Variants in E2F5 observed in about 807,000 individuals in gnomAD.
E2F5 encodes E2F transcription factor 5, also known as transcription factor E2F5.
In E2F5, 23 loss-of-function variants were observed where a neutral mutation model predicts 39.1. That is an observed-to-expected ratio of 0.59 (90% CI 0.42 to 0.83). E2F5 has a LOEUF of 0.83. Ranked by LOEUF, E2F5 falls within the 40% of genes least tolerant of loss-of-function variation. The pLI is 0.00. For synonymous variants in E2F5, 145 were observed against 157.8 expected, an observed-to-expected ratio of 0.92 and a Z score of 0.61; for missense variants, 365 against 406.7, an observed-to-expected ratio of 0.90 and a Z score of 0.88.
At chr8:85,209,036 G>A in intron 5 of E2F5, 106 bp from the exon 6 acceptor site, 3 of 1,133,038 alleles carry the variant, frequency 2.6e-6, no homozygotes, top group Non-Finnish European at 3.8e-6. Context: ...ATTGTGTTAT[G>A]TGAATTTAGT....
At chr8:85,198,381 T>TA (rs1397765860) in intron 1 of E2F5, among the ~76,000 whole-genome samples, 1 of 152,242 alleles carries the variant, frequency 6.6e-6, no homozygotes, top group African/African-American at 2.4e-5. Flanking sequence ...CACAGTTCCC[T>TA]AAAAATATTG....
chr8:85,205,714 C>T (rs1812789906), intron 3 of E2F5, among the ~76,000 whole-genome samples: 1 of 152,228 alleles, frequency 6.6e-6, no homozygotes, highest in Non-Finnish European at 1.5e-5. Flanking sequence ...GCCTTGCCTC[C>T]CGTCACTAGG....
intron 1 of E2F5, among the ~76,000 whole-genome samples, chr8:85,193,381 G>A (rs1442308629): frequency 6.6e-6 from 1 of 152,116 alleles, no homozygotes; most frequent in Admixed American, 6.5e-5. Context: ...TACTTGGGAG[G>A]CTTAGGCAGG....
chr8:85,207,388 G>C, intron 4 of E2F5, 37 bp from the exon 5 acceptor site: 1 of 1,525,706 alleles, frequency 6.6e-7, no homozygotes. Context: ...ATGATCAACA[G>C]TATTTTATGT....
At chr8:85,193,450 T>C (rs558313189) in intron 1 of E2F5, among the ~76,000 whole-genome samples, 1 of 152,262 alleles carries the variant, frequency 6.6e-6, no homozygotes, top group African/African-American at 2.4e-5. Context: ...GCCACTGCAC[T>C]CCAGCCTGGG....
chr8:85,195,601 G>A (rs4150909), intron 1 of E2F5, among the ~76,000 whole-genome samples: 70,740 of 151,806 alleles, frequency 0.47, 18,602 homozygotes, highest in Non-Finnish European at 0.57. Context: ...GTGATTCTTC[G>A]ACTTTAGCCT....
At position 85,177,552 on chromosome 8, in the gene E2F5, C is replaced by A. The variant is rs12926; in HGVS notation, c.132C>A (p.Ala44=). ...CCCCGCCGCCGCAGCTCGGGGGCGC[C>A]GGGGGCGGCAGCAGCAGGCACGAGA... ...QPPPPPQLGG[A]GGGSSRHEKS... The change falls in exon 1 of 8, where the codon GCC becomes GCA. Residue 44 remains alanine, a synonymous_variant. Transcript: ENST00000416274. 7.3e-6 allele frequency: 9 copies of A among 1,240,578 alleles called. No homozygotes were observed. Among genetic ancestry groups the A allele is most frequent in the Non-Finnish European group, 8.1e-6 (8 of 990,464 alleles). 76.8% of individuals were successfully genotyped at this position (1,240,578 alleles called of 1,614,324 possible). A position where few individuals can be genotyped will look rare whatever the true frequency, so the allele number is the denominator to read the frequency against.
At chr8:85,205,469 G>A (rs1424381080) in intron 3 of E2F5, among the ~76,000 whole-genome samples, 1 of 152,090 alleles carries the variant, frequency 6.6e-6, no homozygotes, top group Non-Finnish European at 1.5e-5. Flanking sequence ...ATCTGTCCAT[G>A]TGTGGCAGCC....
intron 4 of E2F5, among the ~76,000 whole-genome samples, chr8:85,206,445 T>C (rs1812804819): frequency 6.6e-6 from 1 of 152,158 alleles, no homozygotes; most frequent in Non-Finnish European, 1.5e-5. Flanking sequence ...AGGGATCAAC[T>C]GTGTGTGGAA....
At chr8:85,205,750 T>C (rs1812790761) in intron 3 of E2F5, among the ~76,000 whole-genome samples, 1 of 152,234 alleles carries the variant, frequency 6.6e-6, no homozygotes, top group African/African-American at 2.4e-5. Flanking sequence ...ACTTTGTTTT[T>C]CTGAGCCTTT....
intron 4 of E2F5, 80 bp downstream of exon 4, chr8:85,206,300 C>A: frequency 1.5e-6 from 2 of 1,354,878 alleles, no homozygotes; most frequent in Non-Finnish European, 2.1e-6. Flanking sequence ...CCTGTGTCCT[C>A]ATCCTGTCAT....
chr8:85,201,395 T>G (rs1812695979), intron 1 of E2F5, among the ~76,000 whole-genome samples: 1 of 152,270 alleles, frequency 6.6e-6, no homozygotes, highest in Non-Finnish European at 1.5e-5. Context: ...AAAACTTCTT[T>G]GAGGTTCTCT....
At chr8:85,211,172 GCCCAGGAATTTGAGACCAA>G (rs1309724053) in intron 6 of E2F5, among the ~76,000 whole-genome samples, 2 of 147,212 alleles carry the variant, frequency 1.4e-5, no homozygotes, top group Non-Finnish European at 3.0e-5. Context: ...CACTGCTTGA[GCCCAGGAATTTGAGACCAA>G]CCTGGGCAAT....
At chr8:85,212,577 G>T in intron 7 of E2F5, 1 of 166,198 alleles carries the variant, frequency 6.0e-6, no homozygotes. Context: ...GCTGCCAATG[G>T]GAAGTCACTG....
chr8:85,207,552 ATT>A, intron 5 of E2F5, 63 bp downstream of exon 5: 1 of 1,381,910 alleles, frequency 7.2e-7, no homozygotes, highest in East Asian at 2.5e-5. Context: ...CAAGAAGGAT[ATT>A]TTCTTTAGCT....
intron 1 of E2F5, 65 bp from the exon 2 acceptor site, chr8:85,202,081 AC>A (rs1204477181): frequency 6.1e-6 from 8 of 1,305,062 alleles, no homozygotes; most frequent in Non-Finnish European, 8.7e-6. Context: ...TTAATAATCA[AC>A]CCTTTTTGGC....
chr8:85,192,891 T>G (rs965477849), intron 1 of E2F5, among the ~76,000 whole-genome samples: 1 of 152,206 alleles, frequency 6.6e-6, no homozygotes, highest in Non-Finnish European at 1.5e-5. Flanking sequence ...TCAGCCTTGG[T>G]TTCCTCTTTT....
intron 1 of E2F5, chr8:85,200,355 A>T: frequency 1.3e-6 from 1 of 793,802 alleles, no homozygotes; most frequent in Non-Finnish European, 1.5e-6. Context: ...CTTAAATAGT[A>T]AAGTATTTGA....
intron 6 of E2F5, among the ~76,000 whole-genome samples, chr8:85,211,642 T>C (rs1249783327): frequency 1.5e-5 from 2 of 136,964 alleles, no homozygotes; most frequent in Non-Finnish European, 3.0e-5. Context: ...GGTTTGTTGT[T>C]GTTTTTTTTT....
Sources: allele counts gnomAD v4.1 joint callset (sites outside exome capture counted in the v4.1 genomes callset), GRCh38; gene constraint gnomAD v4.1.1; transcripts MANE v1.5; gene names NCBI Gene and HGNC (gene_info 2026-07-23, HGNC 2026-07-21).